Variants in DLG2 observed in about 807,000 individuals in gnomAD.
DLG2 encodes discs large MAGUK scaffold protein 2.
In DLG2, 45 loss-of-function variants were observed where a neutral mutation model predicts 132.5. That is an observed-to-expected ratio of 0.34 (90% CI 0.27 to 0.44). The LOEUF is 0.44. Ranked by LOEUF, DLG2 falls within the 20% of genes least tolerant of loss-of-function variation. The pLI, the probability that DLG2 is intolerant of heterozygous loss-of-function variation, is 1.00. For missense variants in DLG2, 1,045 were observed against 1,196.9 expected (o/e 0.87, Z 1.87); for synonymous variants, 424 against 419.6 (o/e 1.01, Z -0.13).
At chr11:85,319,795 G>A (rs77098941) in intron 3 of DLG2, among the ~76,000 whole-genome samples, 1 of 151,898 alleles carries the variant, frequency 6.6e-6, no homozygotes, top group Admixed American at 6.6e-5. Flanking sequence ...GGAGATATAA[G>A]TCTTAAAATC....
chr11:84,507,379 A>G (rs562728278), intron 7 of DLG2, among the ~76,000 whole-genome samples: 2 of 152,330 alleles, frequency 1.3e-5, no homozygotes, highest in South Asian at 2.1e-4. Flanking sequence ...AAGGCTTTGA[A>G]GAGAAGTGAT....
intron 6 of DLG2, among the ~76,000 whole-genome samples, chr11:84,631,109 A>AG (rs2099631341): frequency 0.083 from 1 of 12 alleles, no homozygotes; most frequent in Non-Finnish European, 0.25. Context: ...GTATCAGTGT[A>AG]GAAAAATGCT....
intron 21 of DLG2, among the ~76,000 whole-genome samples, chr11:83,499,852 GATATAT>G (rs60890814): frequency 0.01 from 638 of 61,492 alleles, 4 homozygotes; most frequent in East Asian, 0.042. Flanking sequence ...ACTAATAGGA[GATATAT>G]ATATATATAT....
At chr11:84,317,170 T>A (rs1450347939) in intron 7 of DLG2, 3 of 1,590,354 alleles carry the variant, frequency 1.9e-6, no homozygotes, top group Non-Finnish European at 2.6e-6. Context: ...TACTCTTTCC[T>A]TTGGTCAGCT....
At chr11:83,542,418 G>A (rs1301165677) in intron 19 of DLG2, among the ~76,000 whole-genome samples, 1 of 152,094 alleles carries the variant, frequency 6.6e-6, no homozygotes, top group Non-Finnish European at 1.5e-5. Flanking sequence ...TGGATGAAGA[G>A]GTTAATGTAA....
At position 83,953,913 on chromosome 11, in the gene DLG2, C is replaced by A. The variant is rs866016814; in HGVS notation, c.1340+8972G>T. On this transcript the variant is annotated intron_variant, in intron 14 of 27. Coordinates refer to ENST00000376104, the MANE Select transcript of DLG2 (RefSeq NM_001142699.3). ...AATTCTCCATTGCCTATCATCAATCCTTTTTTGCATCAATGAACTAAAGAA... is the reference window on the plus strand; with the variant it reads ...AATTCTCCATTGCCTATCATCAATCATTTTTTGCATCAATGAACTAAAGAA... Among the ~76,000 whole-genome samples the A allele has an allele frequency of 7.2e-5, 11 of 152,260 alleles. No individual in the cohort carries two copies. The East Asian group carries it at 1.3e-3, about 19-fold the overall frequency.
At position 84,556,823 on chromosome 11, in the gene DLG2, G is replaced by A. The variant is rs138672193; in HGVS notation, c.358-22092C>T. ...TATAATTGAGAACATGTAGTATTGC[G>A]TTTTCTGTTCCTATGTTAGTTTGCT... On this transcript the variant is annotated intron_variant, in intron 6 of 27. Transcript: ENST00000376104. 2.4e-3 allele frequency among the ~76,000 whole-genome samples: 359 copies of A among 152,286 alleles called. 2 individuals carry two copies. The highest frequency in any genetic ancestry group is 8.4e-3 in the African/African-American group (351 of 41,554).
chr11:84,109,909 C>A (rs1244233468), intron 9 of DLG2, among the ~76,000 whole-genome samples: 4 of 152,256 alleles, frequency 2.6e-5, no homozygotes, highest in African/African-American at 9.6e-5. Context: ...CCCCATCGGT[C>A]CCTACATTTT....
intron 7 of DLG2, among the ~76,000 whole-genome samples, chr11:84,433,517 T>C (rs954796524): frequency 2.6e-4 from 39 of 152,350 alleles, no homozygotes; most frequent in Middle Eastern, 3.4e-3. Context: ...AGGTATTCTA[T>C]CCCAGCCAGG....
intron 7 of DLG2, among the ~76,000 whole-genome samples, chr11:84,444,880 G>A (rs145569612): frequency 0.048 from 7,221 of 150,394 alleles, 509 homozygotes; most frequent in African/African-American, 0.15. Context: ...TCGGCTCACT[G>A]CAACCTCCGC....
chr11:84,340,258 A>T (rs1600202075), intron 7 of DLG2, among the ~76,000 whole-genome samples: 1 of 152,152 alleles, frequency 6.6e-6, no homozygotes, highest in East Asian at 1.9e-4. Context: ...TCTGAGTTCT[A>T]CTGTCCACAC....
At chr11:83,849,019 T>C (rs2059175057) in intron 16 of DLG2, among the ~76,000 whole-genome samples, 1 of 152,202 alleles carries the variant, frequency 6.6e-6, no homozygotes, top group Non-Finnish European at 1.5e-5. Context: ...GAATTCTTTA[T>C]GCACAAAAAA....
intron 3 of DLG2, among the ~76,000 whole-genome samples, chr11:85,461,271 A>G (rs1427672653): frequency 1.3e-5 from 2 of 152,218 alleles, no homozygotes; most frequent in African/African-American, 4.8e-5. Flanking sequence ...AGTTTATTAT[A>G]TACTCCATTT....
intron 8 of DLG2, among the ~76,000 whole-genome samples, chr11:84,209,412 A>C (rs950972321): frequency 3.9e-5 from 6 of 152,300 alleles, no homozygotes; most frequent in Admixed American, 6.5e-5. Flanking sequence ...CAGAAGAGAA[A>C]GTATACGTTA....
At chr11:83,884,110 G>A (rs1304254626) in intron 15 of DLG2, among the ~76,000 whole-genome samples, 1 of 152,218 alleles carries the variant, frequency 6.6e-6, no homozygotes, top group Non-Finnish European at 1.5e-5. Flanking sequence ...TGGGTGCAGG[G>A]CACCATGCGC....
intron 10 of DLG2, among the ~76,000 whole-genome samples, chr11:84,084,632 C>A (rs962770218): frequency 5.3e-5 from 8 of 152,212 alleles, no homozygotes; most frequent in African/African-American, 1.9e-4. Context: ...AAGCTCTCTT[C>A]TCAACTGGGC....
At position 84,220,115 on chromosome 11, in the gene DLG2, T is replaced by G. The variant is rs190328885; in HGVS notation, c.573+31123A>C. On this transcript the variant is annotated intron_variant, in intron 8 of 27. Transcript: ENST00000376104. ...TCTATGGACTTTCCACTCTCCTTAG[T>G]GTCTCTCTTTATTTGTATATTAATG... Among the ~76,000 whole-genome samples the G allele has an allele frequency of 2.1e-4, 32 of 152,334 alleles. No homozygotes were observed. In the East Asian group the frequency reaches 6.2e-3, roughly 29 times the overall value.
chr11:85,208,863 G>A (rs1274649415), intron 4 of DLG2, among the ~76,000 whole-genome samples: 2 of 152,086 alleles, frequency 1.3e-5, no homozygotes, highest in Non-Finnish European at 2.9e-5. Context: ...AGGGATAGAA[G>A]GGCTCTCCGG....
intron 6 of DLG2, among the ~76,000 whole-genome samples, chr11:85,098,143 T>C (rs2070207835): frequency 1.3e-5 from 2 of 152,222 alleles, no homozygotes; most frequent in South Asian, 4.1e-4. Context: ...CAGAGATGAC[T>C]CAAAGAGGCT....
Sources: gnomAD v4.1 joint callset for allele counts (sites outside exome capture counted in the v4.1 genomes callset) on GRCh38, gnomAD v4.1.1 for gene constraint, MANE v1.5 for transcripts, NCBI Gene and HGNC (gene_info 2026-07-23, HGNC 2026-07-21) for gene names.